The following TMEM132B variants were observed in gnomAD, a reference collection of about 807,000 sequenced individuals.
TMEM132B encodes the protein transmembrane protein 132B.
A neutral mutation model predicts 90.8 loss-of-function variants in TMEM132B; 18 were observed. The observed-to-expected ratio is 0.20, with a 90% CI of 0.14 to 0.29. The LOEUF is 0.29. Among genes scored for constraint, TMEM132B ranks in the 10% least tolerant of loss-of-function variants. TMEM132B has a pLI of 1.00. For synonymous variants in TMEM132B, 504 were observed against 523.3 expected, an observed-to-expected ratio of 0.96 and a Z score of 0.50; for missense variants, 1,096 against 1,326.8, an observed-to-expected ratio of 0.83 and a Z score of 2.70.
At chr12:125,329,155 G>A (rs756964602) in intron 1 of TMEM132B, among the ~76,000 whole-genome samples, 15 of 152,198 alleles carry the variant, frequency 9.9e-5, no homozygotes, top group Non-Finnish European at 1.8e-4. Context: ...AGAGAAAGAA[G>A]TACCAGCGCT....
rs186095387 is a variant in TMEM132B, at chr12:125,493,077, C to T, written c.1107-26362C>T. ...CCTGGAAACCTTTGATAATAAATAA[C>T]GAGCACCTGCAGGGCAGTGGCCTGG... On this transcript the variant is annotated intron_variant, in intron 3 of 8. Transcript: ENST00000682704. Among the ~76,000 whole-genome samples, 10 of 152,198 alleles carry T rather than the reference C, an allele frequency of 6.6e-5. No homozygotes were observed. In the East Asian group the frequency reaches 7.8e-4, roughly 12 times the overall value.
chr12:125,286,655 A>C (rs1174492392), intron 1 of TMEM132B, among the ~76,000 whole-genome samples: 1 of 152,112 alleles, frequency 6.6e-6, no homozygotes, highest in Non-Finnish European at 1.5e-5. Context: ...CTGGGCTAAA[A>C]TGAAGGTGTC....
chr12:125,215,583 C>A (rs1443962857), intron 1 of TMEM132B, among the ~76,000 whole-genome samples: 7 of 152,124 alleles, frequency 4.6e-5, no homozygotes, highest in Non-Finnish European at 8.8e-5. Context: ...GCTCTGTTGC[C>A]CAGGCTGGAG....
intron 3 of TMEM132B, among the ~76,000 whole-genome samples, chr12:125,431,147 G>A (rs1880490706): frequency 6.6e-6 from 1 of 152,152 alleles, no homozygotes. Flanking sequence ...GCTACTGCAG[G>A]GCTTTGAGGG....
chr12:125,416,277 C>G (rs1366053534), intron 3 of TMEM132B, among the ~76,000 whole-genome samples: 1 of 152,196 alleles, frequency 6.6e-6, no homozygotes, highest in Non-Finnish European at 1.5e-5. Flanking sequence ...CCTACACAGT[C>G]TCATTGCCTC....
At chr12:125,255,279 C>T (rs1400580306) in intron 1 of TMEM132B, among the ~76,000 whole-genome samples, 3 of 151,886 alleles carry the variant, frequency 2.0e-5, no homozygotes, top group Non-Finnish European at 4.4e-5. Context: ...CTTTCTCTTT[C>T]TTTCTTTCTC....
chr12:125,576,321 T>A (rs2136846065), intron 4 of TMEM132B, among the ~76,000 whole-genome samples: 1 of 152,202 alleles, frequency 6.6e-6, no homozygotes, highest in African/African-American at 2.4e-5. Context: ...TCATCTTGTA[T>A]CCTGAAATTT....
At position 125,326,818 on chromosome 12, in the gene TMEM132B, C is replaced by T. The variant is rs1311258522; in HGVS notation, c.68-22634C>T. The T allele has an allele frequency of 1.3e-5, 10 of 785,886 alleles. No homozygotes were observed. The East Asian group carries it at 2.7e-4, about 22-fold the overall frequency. The allele number at this position is 785,886 out of a possible 1,614,324, so 48.7% of individuals were successfully genotyped here. A position where few individuals can be genotyped will look rare whatever the true frequency, so the allele number is the denominator to read the frequency against. On this transcript the variant is annotated intron_variant, in intron 1 of 8. Transcript: ENST00000682704. ...GCCTGTTCTCCGTGCACCCCTTCCT[C>T]TTGTCCTGCTCACTCATTGTGCTTC...
chr12:125,482,687 C>T (rs1340127367), intron 3 of TMEM132B, among the ~76,000 whole-genome samples: 1 of 152,098 alleles, frequency 6.6e-6, no homozygotes, highest in Non-Finnish European at 1.5e-5. Flanking sequence ...GACAGTGTGG[C>T]GATTCCTCAA....
rs149513606 is a variant in TMEM132B, at chr12:125,407,837, C to T, written c.960-7694C>T. Among the ~76,000 whole-genome samples, 9 of 152,336 alleles carry T rather than the reference C, an allele frequency of 5.9e-5. No individual in the cohort carries two copies. The highest frequency in any genetic ancestry group is 2.1e-4 in the South Asian group (1 of 4,828). On this transcript the variant is annotated intron_variant, in intron 2 of 8. Coordinates refer to ENST00000682704, the MANE Select transcript of TMEM132B (RefSeq NM_001366854.1). This position sits in a 1 kb window ranked among gnomAD's most constrained non-coding sequence, Gnocchi z 6.7. ...GGCAGTGGTGGAGCCACCATGTCCT[C>T]CTGGCTCTGACTTACGTCCCTGTTA...
intron 3 of TMEM132B, among the ~76,000 whole-genome samples, chr12:125,444,684 T>G (rs1477938900): frequency 6.6e-6 from 1 of 152,246 alleles, no homozygotes; most frequent in Admixed American, 6.5e-5. Context: ...TGTGTTAACC[T>G]GGCTGGGCTG....
At chr12:125,238,041 C>T (rs577788728) in intron 1 of TMEM132B, among the ~76,000 whole-genome samples, 1 of 152,310 alleles carries the variant, frequency 6.6e-6, no homozygotes, top group African/African-American at 2.4e-5. Flanking sequence ...GAGCATAGAG[C>T]AGCTGCACTT....
chr12:125,413,210 G>T (rs1352124243), intron 2 of TMEM132B, among the ~76,000 whole-genome samples: 1 of 152,080 alleles, frequency 6.6e-6, no homozygotes, highest in Non-Finnish European at 1.5e-5. Context: ...ACCATGAGAG[G>T]CTGCCTTCCT....
rs369413076 is a variant in TMEM132B, at chr12:125,650,721, A to C, written c.1682A>C (p.Lys561Thr). ...AGCGATGACGAGGACGATGAGGAGA[A>C]GAAGGGACGAGGCTGCTCCCTGCAG... ...RESDDEDDEEKKGRGCSLQYQ... is the reference protein window; with the variant it reads ...RESDDEDDEETKGRGCSLQYQ... Residue 561 changes from lysine (K) to threonine (T), a missense_variant, in exon 7 of 9, where the codon AAG (lysine) becomes ACG (threonine). Physicochemically the swap from Lys to Thr is moderately conservative, Grantham distance 78 (BLOSUM62 -1). Coordinates refer to ENST00000682704, the MANE Select transcript of TMEM132B (RefSeq NM_001366854.1). The C allele has an allele frequency of 6.2e-7, 1 of 1,612,926 alleles. No individual in the cohort carries two copies. Among genetic ancestry groups the C allele is most frequent in the Non-Finnish European group, 8.5e-7 (1 of 1,178,904 alleles).
chr12:125,615,084 T>C (rs1885954134), intron 5 of TMEM132B, among the ~76,000 whole-genome samples: 1 of 152,138 alleles, frequency 6.6e-6, no homozygotes, highest in Non-Finnish European at 1.5e-5. Flanking sequence ...CATTTTTCTT[T>C]TGCTGTTTTA....
At chr12:125,442,126 C>T (rs1880891222) in intron 3 of TMEM132B, among the ~76,000 whole-genome samples, 1 of 152,166 alleles carries the variant, frequency 6.6e-6, no homozygotes, top group African/African-American at 2.4e-5. Flanking sequence ...ACAGCTTTGC[C>T]AGAGGCCTAG....
chr12:125,422,626 T>G (rs989005417), intron 3 of TMEM132B, among the ~76,000 whole-genome samples: 4 of 152,174 alleles, frequency 2.6e-5, no homozygotes, highest in African/African-American at 9.7e-5. Flanking sequence ...GATCTTGAGA[T>G]GAGATCATCC....
chr12:125,627,690 T>C (rs1886266186), intron 5 of TMEM132B, among the ~76,000 whole-genome samples: 1 of 152,162 alleles, frequency 6.6e-6, no homozygotes, highest in Admixed American at 6.5e-5. Context: ...TTCTAGTTAT[T>C]TTAAAATGTA....
chr12:125,422,161 G>A (rs1880186650), intron 3 of TMEM132B, among the ~76,000 whole-genome samples: 1 of 152,190 alleles, frequency 6.6e-6, no homozygotes, highest in African/African-American at 2.4e-5. Context: ...TCTTCTAGGT[G>A]AATACAATTT....
Sources: gnomAD v4.1 joint callset for allele counts (sites outside exome capture counted in the v4.1 genomes callset) on GRCh38, gnomAD v4.1.1 for gene constraint, Gnocchi (gnomAD v3.1) non-coding constraint, MANE v1.5 for transcripts, NCBI Gene and HGNC (gene_info 2026-07-23, HGNC 2026-07-21) for gene names.